Variants in PAPPA2 observed in about 807,000 individuals in gnomAD.
The protein encoded by PAPPA2 is pappalysin-2.
PAPPA2 carries 86 observed loss-of-function variants against 176.4 expected under a neutral mutation model. The observed-to-expected ratio is 0.49, with a 90% confidence interval of 0.41 to 0.58. PAPPA2 has a LOEUF of 0.58. PAPPA2 is among the 20% of genes least tolerant of loss of function. The pLI is 0.00. For synonymous variants in PAPPA2, 809 were observed against 852.2 expected, an observed-to-expected ratio of 0.95 and a Z score of 0.88; for missense variants, 2,073 against 2,256.9, an observed-to-expected ratio of 0.92 and a Z score of 1.65.
intron 21 of PAPPA2, among the ~76,000 whole-genome samples, chr1:176,801,218 G>A (rs1665671703): frequency 1.3e-5 from 2 of 151,956 alleles, no homozygotes; most frequent in African/African-American, 2.4e-5. Flanking sequence ...TCTCACACTG[G>A]AAGGAAATAA....
chr1:176,493,014 G>A (rs746946940), intron 1 of PAPPA2, among the ~76,000 whole-genome samples: 1 of 152,090 alleles, frequency 6.6e-6, no homozygotes, highest in Non-Finnish European at 1.5e-5. Flanking sequence ...ATTTATTTCA[G>A]TAAAGAATGT....
chr1:176,710,285 A>C, intron 11 of PAPPA2, 109 bp downstream of exon 11: 1 of 984,604 alleles, frequency 1.0e-6, no homozygotes, highest in Non-Finnish European at 1.5e-6. Flanking sequence ...AGAAGTAAGG[A>C]GTTAGAAGCC....
intron 21 of PAPPA2, among the ~76,000 whole-genome samples, chr1:176,807,976 T>G (rs532909738): frequency 6.6e-6 from 1 of 152,260 alleles, no homozygotes; most frequent in South Asian, 2.1e-4. Context: ...CTGACCCAAA[T>G]GATGTACTCC....
chr1:176,725,692 AC>A (rs1179167252), intron 12 of PAPPA2, among the ~76,000 whole-genome samples: 2 of 133,846 alleles, frequency 1.5e-5, no homozygotes, highest in East Asian at 5.3e-4. Flanking sequence ...ACCCGGTTAC[AC>A]ACACACGCAC....
At chr1:176,762,737 AT>A (rs761506727) in intron 14 of PAPPA2, among the ~76,000 whole-genome samples, 1 of 152,204 alleles carries the variant, frequency 6.6e-6, no homozygotes, top group Non-Finnish European at 1.5e-5. Flanking sequence ...TTAAATACAT[AT>A]TTGGAGACAA....
chr1:176,709,156 C>T (rs894196599), intron 10 of PAPPA2, among the ~76,000 whole-genome samples: 2 of 152,070 alleles, frequency 1.3e-5, no homozygotes, highest in African/African-American at 4.8e-5. Context: ...CTTTACAACG[C>T]CAGTATATTT....
At chr1:176,833,548 T>C (rs909601351) in intron 21 of PAPPA2, among the ~76,000 whole-genome samples, 4 of 152,232 alleles carry the variant, frequency 2.6e-5, no homozygotes, top group African/African-American at 9.6e-5. Flanking sequence ...TGCTCTGGTT[T>C]ACAGTTTCTT....
chr1:176,595,336 C>T lies in PAPPA2; in HGVS notation c.1732C>T (p.Arg578Ter), dbSNP rs375941290. 1.4e-5 allele frequency: 22 copies of T among 1,614,022 alleles called. No individual in the cohort carries two copies. Among genetic ancestry groups the T allele is most frequent in the East Asian group, 4.5e-5 (2 of 44,884 alleles). Residue 578 changes from arginine (R) to a stop codon, truncating the protein, a stop_gained, in exon 3 of 23, where the codon CGA (arginine) becomes TGA (stop). Transcript: ENST00000367662. LOFTEE classifies it high-confidence loss of function. ...SVHQVHNSTL[R>*]HRVVLVNCEP... ...CCACCAGGTCCACAATTCCACCCTG[C>T]GACACCGGGTTGTGCTTGTGAACTG...
At chr1:176,660,315 T>G (rs191627235) in intron 3 of PAPPA2, among the ~76,000 whole-genome samples, 80 of 145,292 alleles carry the variant, frequency 5.5e-4, no homozygotes, top group African/African-American at 2.0e-3. Flanking sequence ...TTTCTAATGC[T>G]GTATTTTAGT....
At chr1:176,470,942 G>A (rs1651843501) in intron 1 of PAPPA2, among the ~76,000 whole-genome samples, 1 of 152,158 alleles carries the variant, frequency 6.6e-6, no homozygotes, top group Non-Finnish European at 1.5e-5. Flanking sequence ...GTCCCCAGTG[G>A]CTTCTCGGGT....
At chr1:176,752,482 A>G (rs1037242217) in intron 14 of PAPPA2, among the ~76,000 whole-genome samples, 1 of 152,148 alleles carries the variant, frequency 6.6e-6, no homozygotes, top group East Asian at 1.9e-4. Flanking sequence ...TGCTTTGCTA[A>G]CCATGCTTGT....
At chr1:176,603,980 C>A (rs943704893) in intron 3 of PAPPA2, among the ~76,000 whole-genome samples, 1 of 152,204 alleles carries the variant, frequency 6.6e-6, no homozygotes, top group Non-Finnish European at 1.5e-5. Context: ...TAGCATCAGT[C>A]ACTTCTGTGG....
At chr1:176,696,833 G>A (rs1478666031) in intron 7 of PAPPA2, among the ~76,000 whole-genome samples, 1 of 152,210 alleles carries the variant, frequency 6.6e-6, no homozygotes, top group East Asian at 1.9e-4. Flanking sequence ...ATTGGTCTGA[G>A]AGTCTGCAGT....
intron 21 of PAPPA2, among the ~76,000 whole-genome samples, chr1:176,808,635 G>A (rs145284992): frequency 1.1e-3 from 175 of 152,220 alleles, no homozygotes; most frequent in African/African-American, 4.1e-3. Flanking sequence ...CAAGCCACAT[G>A]CAAATAGCTA....
At chr1:176,667,195 G>C (rs572481733) in intron 3 of PAPPA2, among the ~76,000 whole-genome samples, 1 of 151,328 alleles carries the variant, frequency 6.6e-6, no homozygotes, top group Non-Finnish European at 1.5e-5. Context: ...GTGTTGAGCT[G>C]AGATCACGCC....
intron 4 of PAPPA2, among the ~76,000 whole-genome samples, chr1:176,672,477 C>T (rs77413030): frequency 0.023 from 3,420 of 151,808 alleles, 87 homozygotes; most frequent in African/African-American, 0.062. Context: ...TAGAACATAT[C>T]GAATTGACAA....
At chr1:176,797,647 T>A (rs976137004) in intron 20 of PAPPA2, among the ~76,000 whole-genome samples, 3 of 151,582 alleles carry the variant, frequency 2.0e-5, no homozygotes, top group African/African-American at 7.3e-5. Flanking sequence ...TCTCAAAAAA[T>A]ATATATATAA....
chr1:176,620,840 A>C (rs559362940), intron 3 of PAPPA2, among the ~76,000 whole-genome samples: 1 of 152,314 alleles, frequency 6.6e-6, no homozygotes, highest in South Asian at 2.1e-4. Flanking sequence ...TTCAAAATTT[A>C]TGTATGTTGT....
At chr1:176,720,480 C>T (rs945187874) in intron 12 of PAPPA2, among the ~76,000 whole-genome samples, 1 of 152,050 alleles carries the variant, frequency 6.6e-6, no homozygotes, top group Non-Finnish European at 1.5e-5. Context: ...CAGTTTTAAA[C>T]TTACCAACTT....
Sources: allele counts gnomAD v4.1 joint callset (sites outside exome capture counted in the v4.1 genomes callset), GRCh38; gene constraint gnomAD v4.1.1; transcripts MANE v1.5; gene names NCBI Gene and HGNC (gene_info 2026-07-23, HGNC 2026-07-21).